Variants in EPHA6 observed in about 807,000 individuals in gnomAD.
EPHA6 encodes the protein EPH receptor A6.
EPHA6 carries 50 observed loss-of-function variants against 112.0 expected under a neutral mutation model. The observed-to-expected ratio is 0.45, with a 90% CI of 0.36 to 0.56. The LOEUF (loss-of-function observed/expected upper bound fraction) is 0.56, where lower values mean the gene tolerates loss of function less well. EPHA6 is among the 20% of genes least tolerant of loss of function. The pLI is 0.00. For synonymous variants in EPHA6, 529 were observed against 490.7 expected, an observed-to-expected ratio of 1.08 and a Z score of -1.03; for missense variants, 1,280 against 1,417.4, an observed-to-expected ratio of 0.90 and a Z score of 1.56.
chr3:97,397,134 C>G (rs1345745772), intron 5 of EPHA6, among the ~76,000 whole-genome samples: 1 of 151,692 alleles, frequency 6.6e-6, no homozygotes, highest in Non-Finnish European at 1.5e-5. Flanking sequence ...ATACTGAATA[C>G]ATAATTCTTA....
chr3:97,694,348 T>A (rs1488695957), intron 14 of EPHA6, among the ~76,000 whole-genome samples: 3 of 152,102 alleles, frequency 2.0e-5, no homozygotes, highest in Admixed American at 6.5e-5. Flanking sequence ...GCAATTCTCC[T>A]GCCTCAGCCT....
At chr3:97,617,114 T>A (rs2093773244) in intron 13 of EPHA6, among the ~76,000 whole-genome samples, 1 of 151,890 alleles carries the variant, frequency 6.6e-6, no homozygotes, top group Non-Finnish European at 1.5e-5. Flanking sequence ...CACAAGACAT[T>A]GGGGGCATTC....
chr3:97,373,794 G>A lies in EPHA6; in HGVS notation c.1607-31356G>A, dbSNP rs1012511139. ...CATTGTAGTAAAATTTTAAAGTCCT[G>A]AACTATCTCATTCTATTCCCTTGTG... On this transcript the variant is annotated intron_variant, in intron 5 of 17. Transcript: ENST00000389672. 4.6e-5 allele frequency among the ~76,000 whole-genome samples: 7 copies of A among 152,106 alleles called. No individual in the cohort carries two copies. In the East Asian group the frequency reaches 1.4e-3, roughly 29 times the overall value.
At chr3:97,327,923 GCA>G (rs2082531073) in intron 5 of EPHA6, among the ~76,000 whole-genome samples, 3 of 119,258 alleles carry the variant, frequency 2.5e-5, no homozygotes, top group African/African-American at 1.5e-4. Context: ...ATGTATATGT[GCA>G]TATATATGTA....
chr3:97,372,582 G>T (rs1396353074), intron 5 of EPHA6, among the ~76,000 whole-genome samples: 2 of 152,018 alleles, frequency 1.3e-5, no homozygotes, highest in African/African-American at 4.8e-5. Context: ...CTCTGTTATT[G>T]CCATGCAATA....
At chr3:97,209,241 T>C (rs1488411305) in intron 3 of EPHA6, among the ~76,000 whole-genome samples, 1 of 152,122 alleles carries the variant, frequency 6.6e-6, no homozygotes, top group Non-Finnish European at 1.5e-5. Context: ...ATAATTGCAA[T>C]GGTAGGCTAC....
chr3:97,022,146 G>C (rs2044483584), intron 3 of EPHA6, among the ~76,000 whole-genome samples: 1 of 152,152 alleles, frequency 6.6e-6, no homozygotes, highest in African/African-American at 2.4e-5. Flanking sequence ...CTCAAAGGTA[G>C]ACACCTGAGC....
rs1363786371 is a variant in EPHA6, at chr3:96,994,709, G to GTGTA, written c.1114+6717_1114+6718insGTAT. 2.6e-3 allele frequency among the ~76,000 whole-genome samples: 258 copies of GTGTA among 98,386 alleles called. 4 individuals are homozygous for GTGTA. Among genetic ancestry groups the GTGTA allele is most frequent in the African/African-American group, 0.013 (235 of 18,578 alleles). 64.5% of individuals were successfully genotyped at this position (98,386 alleles called of 152,430 possible). On this transcript the variant is annotated intron_variant, in intron 3 of 17. Coordinates refer to ENST00000389672, the MANE Select transcript of EPHA6 (RefSeq NM_001080448.3). ...TGTGTGTGTATGTGTGTGTGTGTGT[G>GTGTA]TATATATATATATATATATATATAG...
chr3:97,736,278 T>C (rs1327799165), intron 16 of EPHA6, among the ~76,000 whole-genome samples, 160 bp downstream of exon 16: 3 of 152,028 alleles, frequency 2.0e-5, no homozygotes, highest in Admixed American at 6.6e-5. Flanking sequence ...AAAAAAGAAT[T>C]ATTAACATTA....
At chr3:97,327,827 G>A (rs1223151879) in intron 5 of EPHA6, among the ~76,000 whole-genome samples, 2 of 127,856 alleles carry the variant, frequency 1.6e-5, no homozygotes, top group East Asian at 4.1e-4. Flanking sequence ...ATATTCCTTG[G>A]TGTGTGTGTG....
intron 2 of EPHA6, among the ~76,000 whole-genome samples, chr3:96,898,984 C>T (rs1215413498): frequency 1.3e-5 from 2 of 150,512 alleles, no homozygotes; most frequent in African/African-American, 2.4e-5. Context: ...GTTGAGATCG[C>T]GCCACTGCAC....
At chr3:97,135,276 T>A (rs1322072923) in intron 3 of EPHA6, among the ~76,000 whole-genome samples, 1 of 152,120 alleles carries the variant, frequency 6.6e-6, no homozygotes, top group African/African-American at 2.4e-5. Context: ...TTGAGAAAAG[T>A]CACTTAATTT....
intron 3 of EPHA6, among the ~76,000 whole-genome samples, chr3:97,221,696 C>A (rs550202521): frequency 6.6e-6 from 1 of 152,132 alleles, no homozygotes; most frequent in Admixed American, 6.6e-5. Flanking sequence ...TCGGTATTAG[C>A]ATTCACCATT....
intron 5 of EPHA6, among the ~76,000 whole-genome samples, chr3:97,248,223 T>C (rs2079037374): frequency 6.6e-6 from 1 of 152,078 alleles, no homozygotes; most frequent in South Asian, 2.1e-4. Context: ...AAGGAATCTT[T>C]GCAATAAATC....
intron 11 of EPHA6, 132 bp from the exon 12 acceptor site, chr3:97,592,480 C>A: frequency 9.7e-7 from 1 of 1,026,922 alleles, no homozygotes; most frequent in Non-Finnish European, 1.4e-6. Context: ...AAAATGCATT[C>A]CATCCCTTTA....
At chr3:97,366,527 A>G (rs144139654) in intron 5 of EPHA6, among the ~76,000 whole-genome samples, 4 of 152,272 alleles carry the variant, frequency 2.6e-5, no homozygotes, top group African/African-American at 7.2e-5. Context: ...TGGAAATGCT[A>G]CCTCTGAGTA....
chr3:97,385,160 C>A (rs2085985819), intron 5 of EPHA6, among the ~76,000 whole-genome samples: 1 of 152,154 alleles, frequency 6.6e-6, no homozygotes, highest in Admixed American at 6.6e-5. Flanking sequence ...TCTTTTATAA[C>A]CATAAAAATT....
intron 1 of EPHA6, among the ~76,000 whole-genome samples, chr3:96,821,006 G>A (rs1389198288): frequency 6.6e-6 from 1 of 151,692 alleles, no homozygotes; most frequent in Non-Finnish European, 1.5e-5. Context: ...AAAATAATGT[G>A]TTTTCAGATA....
chr3:96,854,373 T>A (rs1285749506), intron 1 of EPHA6, among the ~76,000 whole-genome samples: 1 of 151,864 alleles, frequency 6.6e-6, no homozygotes, highest in Non-Finnish European at 1.5e-5. Context: ...AAAGTCGAGA[T>A]TTCACCATGC....
Sources: gnomAD v4.1 joint callset for allele counts (sites outside exome capture counted in the v4.1 genomes callset) on GRCh38, gnomAD v4.1.1 for gene constraint, MANE v1.5 for transcripts, NCBI Gene and HGNC (gene_info 2026-07-23, HGNC 2026-07-21) for gene names.